The following SLC44A4 variants were observed in gnomAD, a reference collection of about 807,000 sequenced individuals.
SLC44A4 encodes solute carrier family 44 member 4, also known as choline transporter-like protein 4.
SLC44A4 carries 74 observed loss-of-function variants against 97.0 expected under a neutral mutation model. The ratio of observed to expected loss-of-function variants is 0.76; its 90% CI spans 0.63 to 0.93. SLC44A4 has a LOEUF of 0.93. Ranked by LOEUF, SLC44A4 falls within the 40% of genes least tolerant of loss-of-function variation. The pLI is 0.00. For synonymous variants in SLC44A4, 325 were observed against 363.8 expected (o/e 0.89, Z 1.21); for missense variants, 799 against 902.9 (o/e 0.88, Z 1.48).
At chr6:31,869,107 C>T (rs1291202980) in intron 13 of SLC44A4, 48 bp downstream of exon 13, 1 of 1,478,974 alleles carries the variant, frequency 6.8e-7, no homozygotes, top group Non-Finnish European at 9.2e-7. Context: ...GCCCCTACAG[C>T]CCCTCACCCC....
At chr6:31,872,656 C>T (rs1763235967) in intron 7 of SLC44A4, among the ~76,000 whole-genome samples, 1 of 152,072 alleles carries the variant, frequency 6.6e-6, no homozygotes, top group African/African-American at 2.4e-5. Context: ...CCTTAGCCTC[C>T]TGAGCAGTTG....
rs1417368962 is a variant in SLC44A4 at position 31,870,592 on chromosome 6, C to T, written c.1037+11G>A. The T allele has an allele frequency of 3.8e-6, 6 of 1,582,178 alleles. No individual in the cohort carries two copies. The highest frequency in any genetic ancestry group is 5.2e-6 in the Non-Finnish European group (6 of 1,164,846). On this transcript the variant is annotated intron_variant, in intron 11 of 20. Transcript: ENST00000229729. ...TCCTCAACCCCATCTCCCTCCCAGG[C>T]AGGCCCTAACTTGCTGGCCTCCTTC...
rs1350944308 is a variant in SLC44A4 at position 31,877,735 on chromosome 6, T to C, written c.41-653A>G. ...TCAGAGTGACACCTGAGCCCAGCCA[T>C]AGAGATTGCAGGCACGTTGAGTTCC... On this transcript the variant is annotated intron_variant, in intron 1 of 20. Coordinates refer to ENST00000229729, the MANE Select transcript of SLC44A4 (RefSeq NM_025257.3). The surrounding 1 kb of genome is among the most constrained non-coding windows in gnomAD (Gnocchi z 6.5). 4 of 547,532 alleles carry C rather than the reference T, an allele frequency of 7.3e-6. No homozygotes were observed. Among genetic ancestry groups the C allele is most frequent in the African/African-American group, 6.2e-5 (3 of 48,628 alleles). 33.9% of individuals were successfully genotyped at this position (547,532 alleles called of 1,614,324 possible). A position where few individuals can be genotyped will look rare whatever the true frequency, so the allele number is the denominator to read the frequency against.
intron 13 of SLC44A4, among the ~76,000 whole-genome samples, chr6:31,867,111 G>A (rs189202271): frequency 1.3e-5 from 2 of 151,774 alleles, no homozygotes; most frequent in Non-Finnish European, 2.9e-5. Context: ...ACAGGGTCTC[G>A]CTCTGTTGCC....
chr6:31,877,530 C>T lies in SLC44A4; in HGVS notation c.41-448G>A. ...CACAGCCCCTCAGGGAGGTCATGGCCTCTTCCCCTATCTGCCCCAGGCCCT... is the reference window on the plus strand; with the variant it reads ...CACAGCCCCTCAGGGAGGTCATGGCTTCTTCCCCTATCTGCCCCAGGCCCT... On this transcript the variant is annotated intron_variant, in intron 1 of 20. Transcript: ENST00000229729. The surrounding 1 kb of genome is among the most constrained non-coding windows in gnomAD (Gnocchi z 6.5). The T allele has an allele frequency of 5.4e-6, 5 of 931,798 alleles. No homozygotes were observed. Among genetic ancestry groups the T allele is most frequent in the Non-Finnish European group, 6.4e-6 (5 of 775,282 alleles). The allele number at this position is 931,798 out of a possible 1,614,324, so 57.7% of individuals were successfully genotyped here.
At chr6:31,871,654 G>A in intron 7 of SLC44A4, 93 bp from the exon 8 acceptor site, 2 of 952,180 alleles carry the variant, frequency 2.1e-6, no homozygotes, top group South Asian at 2.7e-5. Context: ...CCTTAGGGGA[G>A]GGAAGGGTGA....
In SLC44A4 at chr6:31,874,790, T is replaced by G; in HGVS notation, c.399A>C (p.Ser133=). 6.2e-7 allele frequency: 1 copy of G among 1,614,074 alleles called. No individual in the cohort carries two copies. Among genetic ancestry groups the G allele is most frequent in the Non-Finnish European group, 8.5e-7 (1 of 1,179,994 alleles). ...TATAGAAGACTTCCCCAACAGTCTG[T>G]GAGAACTCGTTTTTTCCCACAGTCC... ...DPWTVGKNEF[S]QTVGEVFYTK... Residue 133 remains serine, a synonymous_variant, in exon 6 of 21, where the codon TCA becomes TCC. Coordinates refer to ENST00000229729, the MANE Select transcript of SLC44A4 (RefSeq NM_025257.3). The surrounding 1 kb of genome is among the most constrained non-coding windows in gnomAD (Gnocchi z 4.8).
Position 31,878,961 on chromosome 6 carries a change from TC to T in SLC44A4, c.19del (p.Asp7ThrfsTer40). 6.2e-7 allele frequency: 1 copy of T among 1,613,838 alleles called. No homozygotes were observed. The highest frequency in any genetic ancestry group is 1.3e-5 in the African/African-American group (1 of 75,018). Reference sequence around the variant, plus strand: ...CTCACCGTAGGCCTCGTCATCCTCGTCCCGCTGCTTTCCCCCCATGGCTCAG... The same window carrying T: ...CTCACCGTAGGCCTCGTCATCCTCGTCCGCTGCTTTCCCCCCATGGCTCAG... MGGKQR[D>X]EDDEAYGKPV... On this transcript the variant is annotated frameshift_variant, in exon 1 of 21. Transcript: ENST00000229729. LOFTEE classifies it high-confidence loss of function. This position sits in a 1 kb window ranked among gnomAD's most constrained non-coding sequence, Gnocchi z 4.0.
Position 31,865,726 on chromosome 6 carries a change from G to A in SLC44A4, c.1546C>T (p.Arg516Trp), listed in dbSNP as rs748215298. ...TGGTCAATATACTCCAAGATGACCC[G>A]GGCTATCTGCACAAGGGTCAGGATG... Reference protein sequence around the residue: ...ALILTLVQIARVILEYIDHKL... With the variant: ...ALILTLVQIAWVILEYIDHKL... Residue 516 changes from arginine (R) to tryptophan (W), a missense_variant, in exon 15 of 21, where the codon CGG becomes TGG. Physicochemically the swap from Arg to Trp is moderately radical, Grantham distance 101. Around this residue, in one of 3 missense-constraint regions of SLC44A4, gnomAD observed 379 missense variants for 438.3 expected, o/e 0.86. Coordinates refer to ENST00000229729, the MANE Select transcript of SLC44A4 (RefSeq NM_025257.3). The surrounding 1 kb of genome is among the most constrained non-coding windows in gnomAD (Gnocchi z 5.2). The A allele has an allele frequency of 4.3e-6, 7 of 1,613,384 alleles. No homozygotes were observed. In the East Asian group the frequency reaches 6.7e-5, roughly 15 times the overall value.
At chr6:31,873,118 G>A (rs972188897) in intron 7 of SLC44A4, among the ~76,000 whole-genome samples, 109 of 151,722 alleles carry the variant, frequency 7.2e-4, no homozygotes, top group African/African-American at 2.3e-3. Context: ...CTTGTGATCC[G>A]CCCGCCTCGG....
At chr6:31,868,371 G>C (rs888946740) in intron 13 of SLC44A4, among the ~76,000 whole-genome samples, 13 of 152,200 alleles carry the variant, frequency 8.5e-5, no homozygotes, top group African/African-American at 3.1e-4. Context: ...AATTCAACCT[G>C]TTGTTGAGCT....
Position 31,865,089 on chromosome 6 carries a change from G to A in SLC44A4, c.1761-9C>T. 1 of 1,613,368 alleles carries A rather than the reference G, an allele frequency of 6.2e-7. No homozygotes were observed. The highest frequency in any genetic ancestry group is 1.1e-5 in the South Asian group (1 of 91,084). On this transcript the variant is annotated splice_polypyrimidine_tract_variant and intron_variant, in intron 17 of 20. Coordinates refer to ENST00000229729, the MANE Select transcript of SLC44A4 (RefSeq NM_025257.3). This position sits in a 1 kb window ranked among gnomAD's most constrained non-coding sequence, Gnocchi z 5.2. ...TGTCCAGGACGACCACCCTGTGCCAGAAGTTAGGGCAGGTTGAGGGTGAGA... is the reference window on the plus strand; with the variant it reads ...TGTCCAGGACGACCACCCTGTGCCAAAAGTTAGGGCAGGTTGAGGGTGAGA...
At position 31,870,816 on chromosome 6, in the gene SLC44A4, G is replaced by T. The variant is rs886165080; in HGVS notation, c.933C>A (p.Ala311=). 3.1e-6 allele frequency: 5 copies of T among 1,612,926 alleles called. No homozygotes were observed. In the African/African-American group the frequency reaches 6.7e-5, roughly 22 times the overall value. The change falls in exon 10 of 21, where the codon GCC becomes GCA. Residue 311 remains alanine (A), a synonymous_variant. Coordinates refer to ENST00000229729, the MANE Select transcript of SLC44A4 (RefSeq NM_025257.3). ...GGGGGTGGGCAGGACACTCACGGGC[G>T]GCCAGCCAGGTCTCCTGCACGCTCT... ...AYQSVQETWL[A]ALIVLAVLEA...
At chr6:31,863,842 GC>G (rs1347188464) in intron 20 of SLC44A4, 94 bp from the exon 21 acceptor site, 1 of 1,536,840 alleles carries the variant, frequency 6.5e-7, no homozygotes, top group Non-Finnish European at 8.9e-7. Flanking sequence ...AATCCAAGCT[GC>G]ACCACCACCC....
In SLC44A4 at chr6:31,878,757, C is replaced by T. The variant is rs1763598678; in HGVS notation, c.40+184G>A. On this transcript the variant is annotated intron_variant, in intron 1 of 20. Coordinates refer to ENST00000229729, the MANE Select transcript of SLC44A4 (RefSeq NM_025257.3). This position sits in a 1 kb window ranked among gnomAD's most constrained non-coding sequence, Gnocchi z 4.0. ...GGCTCCCCAGCAACAGCCCCAGCCC[C>T]CGGGCCCCATCCTCCTCCCAGGACC... 6.6e-6 allele frequency among the ~76,000 whole-genome samples: 1 copy of T among 152,150 alleles called. No individual in the cohort carries two copies. Among genetic ancestry groups the T allele is most frequent in the Non-Finnish European group, 1.5e-5 (1 of 68,008 alleles).
Position 31,874,689 on chromosome 6 carries a change from GC to G in SLC44A4, c.468+31del. ...CTCGTGCCCACCCTGGCCCTTCTGG[GC>G]GACAGTGATGAGGTTAGGGGCAATA... On this transcript the variant is annotated intron_variant, in intron 6 of 20. Transcript: ENST00000229729. This position sits in a 1 kb window ranked among gnomAD's most constrained non-coding sequence, Gnocchi z 4.8. 6.3e-7 allele frequency: 1 copy of G among 1,581,648 alleles called. No individual in the cohort carries two copies.
At chr6:31,866,640 C>T (rs1480457166) in intron 13 of SLC44A4, among the ~76,000 whole-genome samples, 1 of 152,080 alleles carries the variant, frequency 6.6e-6, no homozygotes, top group Non-Finnish European at 1.5e-5. Context: ...TGCCTGTAAT[C>T]TCAGCACTTT....
At chr6:31,870,783 G>A (rs746649372) in intron 10 of SLC44A4, 29 bp downstream of exon 10, 1 of 1,612,422 alleles carries the variant, frequency 6.2e-7, no homozygotes, top group Non-Finnish European at 8.5e-7. Context: ...TTGGGCAGCT[G>A]GTGGCTTGGG....
rs374015830 is a variant in SLC44A4 at position 31,867,467 on chromosome 6, T to C, written c.1234-1341A>G. On this transcript the variant is annotated intron_variant, in intron 13 of 20. Transcript: ENST00000229729. ...ACGTCATACCCAGCACAGTTGCTCA[T>C]GTGTATAATCCCAACACTTTTGGAG... 1.5e-4 allele frequency among the ~76,000 whole-genome samples: 23 copies of C among 152,174 alleles called. No individual in the cohort carries two copies. The East Asian group carries it at 2.7e-3, about 18-fold the overall frequency.
Sources: gnomAD v4.1 joint callset for allele counts (sites outside exome capture counted in the v4.1 genomes callset) on GRCh38, gnomAD v4.1.1 for gene constraint, gnomAD v4.1.1 regional missense constraint, Gnocchi (gnomAD v3.1) non-coding constraint, MANE v1.5 for transcripts, NCBI Gene and HGNC (gene_info 2026-07-23, HGNC 2026-07-21) for gene names.